KMT2C: variants seen among roughly 807,000 people sequenced by gnomAD.
The protein encoded by KMT2C is histone-lysine N-methyltransferase 2C.
A neutral mutation model predicts 507.9 loss-of-function variants in KMT2C; 88 were observed. That is an observed-to-expected ratio of 0.17 (90% CI 0.15 to 0.21). The LOEUF (loss-of-function observed/expected upper bound fraction) is 0.21. Ranked by LOEUF, KMT2C falls within the 10% of genes least tolerant of loss-of-function variation. KMT2C has a pLI of 1.00. For missense variants in KMT2C, 4,954 were observed against 5,957.8 expected (o/e 0.83, Z 5.55); for synonymous variants, 2,049 against 2,080.8 (o/e 0.98, Z 0.42).
chr7:152,254,643 G>C (rs1348366229), intron 9 of KMT2C, among the ~76,000 whole-genome samples: 1 of 152,130 alleles, frequency 6.6e-6, no homozygotes, highest in African/African-American at 2.4e-5. Context: ...GAGAGCCCGA[G>C]AGGCATTCCC....
At chr7:152,334,630 C>A (rs1471500576) in intron 2 of KMT2C, among the ~76,000 whole-genome samples, 1 of 151,922 alleles carries the variant, frequency 6.6e-6, no homozygotes, top group African/African-American at 2.4e-5. Context: ...AACTGCGCAA[C>A]CTCATCATCT....
chr7:152,388,713 T>A (rs1035819156), intron 1 of KMT2C, among the ~76,000 whole-genome samples: 1 of 152,304 alleles, frequency 6.6e-6, no homozygotes, highest in Non-Finnish European at 1.5e-5. Flanking sequence ...CAGTTCTTAT[T>A]TTAGGCTCAA....
intron 1 of KMT2C, among the ~76,000 whole-genome samples, chr7:152,384,613 A>ACCACCT: frequency 7.5e-6 from 1 of 134,138 alleles, no homozygotes; most frequent in African/African-American, 2.7e-5. Flanking sequence ...CACCACCACC[A>ACCACCT]CGCTGCACTG....
At chr7:152,339,001 A>G (rs1387491073) in intron 2 of KMT2C, among the ~76,000 whole-genome samples, 1 of 152,196 alleles carries the variant, frequency 6.6e-6, no homozygotes, top group African/African-American at 2.4e-5. Context: ...AACAATTACA[A>G]AAGTATTTCC....
At chr7:152,396,491 C>A (rs2097538996) in intron 1 of KMT2C, among the ~76,000 whole-genome samples, 1 of 152,066 alleles carries the variant, frequency 6.6e-6, no homozygotes, top group Admixed American at 6.6e-5. Context: ...CATTGTAATT[C>A]TCATAATTAT....
At chr7:152,204,916 C>T (rs1228816113) in intron 25 of KMT2C, among the ~76,000 whole-genome samples, 190 bp downstream of exon 25, 2 of 151,834 alleles carry the variant, frequency 1.3e-5, no homozygotes, top group Admixed American at 1.3e-4. Context: ...TACTGTATTA[C>T]AGATATGAAC....
At chr7:152,143,222 A>T (rs988412970) in intron 55 of KMT2C, among the ~76,000 whole-genome samples, 1 of 152,240 alleles carries the variant, frequency 6.6e-6, no homozygotes, top group African/African-American at 2.4e-5. Context: ...GAGAGGGGCA[A>T]CAGCAGAGAA....
chr7:152,185,450 C>T, intron 34 of KMT2C, 108 bp downstream of exon 34: 2 of 765,680 alleles, frequency 2.6e-6, no homozygotes, highest in Non-Finnish European at 2.2e-6. Flanking sequence ...TGTACAGGTA[C>T]TAACAAGCAT....
chr7:152,203,758 C>A (rs557159573), intron 25 of KMT2C, among the ~76,000 whole-genome samples: 5 of 152,076 alleles, frequency 3.3e-5, no homozygotes, highest in Non-Finnish European at 7.4e-5. Context: ...GGGCACTCTA[C>A]CACCAGACTA....
intron 1 of KMT2C, among the ~76,000 whole-genome samples, chr7:152,423,209 G>C (rs781322934): frequency 6.6e-6 from 1 of 151,920 alleles, no homozygotes; most frequent in South Asian, 2.1e-4. Context: ...GCTTGGTGGT[G>C]CATGCCTGTA....
intron 3 of KMT2C, among the ~76,000 whole-genome samples, chr7:152,319,072 A>T (rs2096747678): frequency 6.6e-6 from 1 of 152,198 alleles, no homozygotes. Context: ...CTTTGTTTCA[A>T]GCATAAAATT....
At chr7:152,314,016 C>T (rs1468719173) in intron 4 of KMT2C, among the ~76,000 whole-genome samples, 2 of 152,052 alleles carry the variant, frequency 1.3e-5, no homozygotes, top group Non-Finnish European at 2.9e-5. Context: ...TTTAAGTTTG[C>T]TGGCCTTTTG....
intron 1 of KMT2C, among the ~76,000 whole-genome samples, chr7:152,382,449 C>A (rs546710339): frequency 2.3e-4 from 35 of 152,238 alleles, no homozygotes; most frequent in African/African-American, 8.4e-4. Context: ...GTCACCATTA[C>A]CTGCCCTTCC....
intron 1 of KMT2C, among the ~76,000 whole-genome samples, chr7:152,394,327 C>A (rs866839204): frequency 6.6e-6 from 1 of 152,310 alleles, no homozygotes; most frequent in South Asian, 2.1e-4. Context: ...GTCTACAAGG[C>A]CCTGCACAAT....
At chr7:152,295,837 C>T (rs964211646) in intron 6 of KMT2C, among the ~76,000 whole-genome samples, 9 of 152,070 alleles carry the variant, frequency 5.9e-5, no homozygotes, top group Non-Finnish European at 1.0e-4. Flanking sequence ...GAGGCCGAGG[C>T]GGGCAGATCA....
chr7:152,416,325 C>T (rs2097735075), intron 1 of KMT2C, among the ~76,000 whole-genome samples: 1 of 152,104 alleles, frequency 6.6e-6, no homozygotes, highest in Admixed American at 6.5e-5. Context: ...GCGGGCAGAT[C>T]ACGAGGTTAG....
At chr7:152,342,331 T>C (rs534062550) in intron 2 of KMT2C, among the ~76,000 whole-genome samples, 2 of 141,394 alleles carry the variant, frequency 1.4e-5, no homozygotes, top group South Asian at 4.1e-4. Context: ...TTAATAAGAA[T>C]TATTATTTAT....
chr7:152,143,827 G>A (rs1259704658), intron 55 of KMT2C, among the ~76,000 whole-genome samples: 2 of 152,180 alleles, frequency 1.3e-5, no homozygotes, highest in South Asian at 4.1e-4. Context: ...GAATCTGAAT[G>A]AGTATAGACA....
intron 2 of KMT2C, among the ~76,000 whole-genome samples, chr7:152,356,894 A>AAAT (rs1554673242): frequency 0.012 from 869 of 72,176 alleles, 8 homozygotes; most frequent in African/African-American, 0.039. Flanking sequence ...TCCAACTCAA[A>AAAT]AAGAATAATA....
Sources: allele counts gnomAD v4.1 joint callset (sites outside exome capture counted in the v4.1 genomes callset), GRCh38; gene constraint gnomAD v4.1.1; transcripts MANE v1.5; gene names NCBI Gene and HGNC (gene_info 2026-07-23, HGNC 2026-07-21).